The following LRRIQ1 variants were observed in gnomAD, a reference collection of about 807,000 sequenced individuals.
LRRIQ1 encodes leucine-rich repeat- and IQ domain-containing protein 1.
LRRIQ1 carries 210 observed loss-of-function variants against 211.9 expected under a neutral mutation model. That is an observed-to-expected ratio of 0.99 (90% confidence interval 0.89 to 1.11). The LOEUF (loss-of-function observed/expected upper bound fraction) is 1.11. LRRIQ1 is among the 50% of genes most tolerant of loss of function. The pLI is 0.00. For missense variants in LRRIQ1, 2,136 were observed against 1,939.5 expected (o/e 1.10, Z -1.90); for synonymous variants, 699 against 650.1 (o/e 1.08, Z -1.14).
At chr12:85,195,484 G>C (rs1291379106) in intron 24 of LRRIQ1, among the ~76,000 whole-genome samples, 1 of 152,032 alleles carries the variant, frequency 6.6e-6, no homozygotes, top group African/African-American at 2.4e-5. Context: ...CCATGATCAA[G>C]TGGGCTTCAT....
chr12:85,222,786 CAAGGCGTTGGGTTTG>C (rs1383446038), intron 24 of LRRIQ1, among the ~76,000 whole-genome samples: 4 of 152,076 alleles, frequency 2.6e-5, no homozygotes, highest in Admixed American at 2.0e-4. Flanking sequence ...GTGCACAGTT[CAAGGCGTTGGGTTTG>C]AGAGGAAGAG....
In LRRIQ1 at chr12:85,096,411, G is replaced by A. The variant is rs1010908601; in HGVS notation, c.2888-1944G>A. On this transcript the variant is annotated intron_variant, in intron 11 of 26. Coordinates refer to ENST00000393217, the MANE Select transcript of LRRIQ1 (RefSeq NM_001079910.2). ...ATTTGTAAATTTCTGCCTTAATTTT[G>A]TTGTTTAACCAAAAGGCATTCAGAA... 2.6e-5 allele frequency among the ~76,000 whole-genome samples: 4 copies of A among 151,940 alleles called. No homozygotes were observed. In the East Asian group the frequency reaches 7.8e-4, roughly 29 times the overall value.
intron 17 of LRRIQ1, among the ~76,000 whole-genome samples, chr12:85,125,299 T>C (rs533935441): frequency 2.0e-5 from 3 of 152,346 alleles, no homozygotes; most frequent in Admixed American, 1.3e-4. Context: ...GTATGTGCTA[T>C]AGTTTTTTGG....
chr12:85,198,598 C>T (rs182681571), intron 24 of LRRIQ1, among the ~76,000 whole-genome samples: 1,632 of 149,590 alleles, frequency 0.011, 20 homozygotes, highest in Non-Finnish European at 0.017. Flanking sequence ...GACAGAGTCT[C>T]GCTCTGTTTC....
chr12:85,191,515 CT>C (rs1280950055), intron 24 of LRRIQ1, among the ~76,000 whole-genome samples: 1 of 151,926 alleles, frequency 6.6e-6, no homozygotes, highest in African/African-American at 2.4e-5. Flanking sequence ...CTTTTTAGTG[CT>C]GAATAATGTT....
chr12:85,057,123 T>C lies in LRRIQ1; in HGVS notation c.2330T>C (p.Met777Thr), dbSNP rs1275264277. Residue 777 changes from methionine (M) to threonine (T), a missense_variant, in exon 8 of 27, where the codon ATG (methionine) becomes ACG (threonine). Transcript: ENST00000393217. ...AGACCTGTGAAATGCCCAGCCAACA[T>C]GACACCCGCTTTGGATAAACTGGAA... ...RKRPVKCPAN[M>T]TPALDKLEIL... 1.3e-6 allele frequency: 2 copies of C among 1,596,284 alleles called. No homozygotes were observed. Among genetic ancestry groups the C allele is most frequent in the Non-Finnish European group, 1.7e-6 (2 of 1,174,298 alleles).
At chr12:85,197,967 TAAA>T (rs1565898436) in intron 24 of LRRIQ1, among the ~76,000 whole-genome samples, 1 of 106,192 alleles carries the variant, frequency 9.4e-6, no homozygotes, top group Non-Finnish European at 1.8e-5. Context: ...ATATTATATA[TAAA>T]TATATATAAT....
chr12:85,091,235 A>G (rs536480070), intron 11 of LRRIQ1, among the ~76,000 whole-genome samples: 2 of 152,270 alleles, frequency 1.3e-5, no homozygotes, highest in South Asian at 2.1e-4. Context: ...TCTTTTATTT[A>G]TAAATTGTCC....
chr12:85,097,539 C>G (rs926092369), intron 11 of LRRIQ1, among the ~76,000 whole-genome samples: 20 of 151,808 alleles, frequency 1.3e-4, no homozygotes, highest in Non-Finnish European at 2.5e-4. Context: ...ATAGTTTGCT[C>G]AGAATGATGG....
At chr12:85,196,149 A>G (rs1473424215) in intron 24 of LRRIQ1, among the ~76,000 whole-genome samples, 2 of 152,150 alleles carry the variant, frequency 1.3e-5, no homozygotes, top group African/African-American at 4.8e-5. Flanking sequence ...AAGGAGAACT[A>G]CAAACCACTG....
chr12:85,210,936 A>G (rs1327543315), intron 24 of LRRIQ1, among the ~76,000 whole-genome samples: 1 of 152,192 alleles, frequency 6.6e-6, no homozygotes, highest in Non-Finnish European at 1.5e-5. Flanking sequence ...TGAACTCCCT[A>G]AGGTTGGGAT....
chr12:85,099,073 G>C, intron 13 of LRRIQ1, 79 bp downstream of exon 13: 1 of 936,890 alleles, frequency 1.1e-6, no homozygotes, highest in South Asian at 2.5e-5. Context: ...TACCATAAAA[G>C]TTAGATTTCT....
chr12:85,044,676 T>C, intron 3 of LRRIQ1, 42 bp from the exon 4 acceptor site: 1 of 1,005,498 alleles, frequency 9.9e-7, no homozygotes, highest in Non-Finnish European at 1.5e-6. Flanking sequence ...TGTTGTATTG[T>C]ACTCTAATAT....
intron 18 of LRRIQ1, among the ~76,000 whole-genome samples, chr12:85,134,802 C>G (rs980947141): frequency 6.6e-6 from 1 of 151,992 alleles, no homozygotes; most frequent in African/African-American, 2.4e-5. Flanking sequence ...AGATCCAAGA[C>G]CCCATATACC....
intron 10 of LRRIQ1, among the ~76,000 whole-genome samples, chr12:85,069,096 C>G (rs1204902897): frequency 1.4e-5 from 2 of 147,022 alleles, no homozygotes; most frequent in Non-Finnish European, 3.0e-5. Flanking sequence ...CCCCCTCCCC[C>G]CACCTCACAA....
At chr12:85,059,523 C>A (rs1034541616) in intron 8 of LRRIQ1, among the ~76,000 whole-genome samples, 138 of 152,038 alleles carry the variant, frequency 9.1e-4, no homozygotes, top group African/African-American at 3.1e-3. Flanking sequence ...CTTTATATTG[C>A]TAGCTTGGGA....
intron 1 of LRRIQ1, among the ~76,000 whole-genome samples, 156 bp from the exon 2 acceptor site, chr12:85,037,997 T>G (rs756524499): frequency 1.1e-4 from 17 of 152,018 alleles, no homozygotes; most frequent in Middle Eastern, 6.8e-3. Context: ...AAAAGAATGA[T>G]TGAAGAGATA....
intron 1 of LRRIQ1, among the ~76,000 whole-genome samples, chr12:85,256,795 G>T (rs922936138): frequency 1.3e-5 from 2 of 150,666 alleles, no homozygotes; most frequent in Non-Finnish European, 3.0e-5. Context: ...CGTGTTGAAT[G>T]AATATGTAAA....
rs1459216186 is a variant in LRRIQ1, at chr12:85,232,730, C to T, written c.4990C>T (p.Leu1664Phe). The change falls in exon 26 of 27, where the codon CTT becomes TTT. Residue 1664 changes from leucine to phenylalanine, a missense_variant. Physicochemically the swap from Leu to Phe is conservative, Grantham distance 22. Transcript: ENST00000393217. The part of the protein sequence containing the change: ...HFLPELDPDV[L>F]NGGRVQLVAR... ...TTTGCCTGAGTTAGATCCAGATGTA[C>T]TTAATGGTGGAAGAGTTCAGCTTGT... is the stretch of plus-strand genomic sequence containing the variant. 1 of 1,612,714 alleles carries T rather than the reference C, an allele frequency of 6.2e-7. No homozygotes were observed. The highest frequency in any genetic ancestry group is 1.1e-5 in the South Asian group (1 of 91,000).
Sources: gnomAD v4.1 joint callset for allele counts (sites outside exome capture counted in the v4.1 genomes callset) on GRCh38, gnomAD v4.1.1 for gene constraint, MANE v1.5 for transcripts, NCBI Gene and HGNC (gene_info 2026-07-23, HGNC 2026-07-21) for gene names.